Variants in CTTNBP2 observed in about 807,000 individuals in gnomAD.
CTTNBP2 encodes cortactin binding protein 2.
In CTTNBP2, 108 loss-of-function variants were observed where a neutral mutation model predicts 156.9. The ratio of observed to expected loss-of-function variants is 0.69; its 90% CI spans 0.59 to 0.81. CTTNBP2 has a LOEUF of 0.81. CTTNBP2 is among the 30% of genes least tolerant of loss of function. The pLI is 0.00. For synonymous variants in CTTNBP2, 767 were observed against 751.8 expected (o/e 1.02, Z -0.33); for missense variants, 1,924 against 2,035.4 (o/e 0.95, Z 1.05).
At chr7:117,766,259 T>C (rs902641776) in intron 9 of CTTNBP2, among the ~76,000 whole-genome samples, 26 of 152,108 alleles carry the variant, frequency 1.7e-4, no homozygotes, top group Admixed American at 1.5e-3. Context: ...CAATGATAAA[T>C]AAAGCCTTCT....
At position 117,756,585 on chromosome 7, in the gene CTTNBP2, A is replaced by G. The variant is rs372975888; in HGVS notation, c.3318T>C (p.Pro1106=). 13 of 1,613,672 alleles carry G rather than the reference A, an allele frequency of 8.1e-6. No homozygotes were observed. The East Asian group carries it at 1.1e-4, about 14-fold the overall frequency. Residue 1106 remains proline, a synonymous_variant, in exon 12 of 23, where the codon CCT becomes CCC. Coordinates refer to ENST00000160373, the MANE Select transcript of CTTNBP2 (RefSeq NM_033427.3). ...LSSVTYASMI[P]LQMMQNYLRL... is the part of the protein sequence containing the mutation. ...TGAGGTAGTTCTGCATCATCTGGAG[A>G]GGGATCATGGAGGCATAAGTCACAC...
intron 8 of CTTNBP2, among the ~76,000 whole-genome samples, chr7:117,771,989 C>A (rs890216344): frequency 1.3e-5 from 2 of 152,138 alleles, no homozygotes; most frequent in Admixed American, 1.3e-4. Flanking sequence ...GCCGGTCACA[C>A]GTGGTCAAAG....
chr7:117,791,002 A>T (rs1413075858), intron 4 of CTTNBP2, 126 bp downstream of exon 4: 4 of 753,584 alleles, frequency 5.3e-6, no homozygotes, highest in Non-Finnish European at 4.3e-6. Context: ...GAGAAAGAAA[A>T]GAAATGGGGG....
intron 14 of CTTNBP2, among the ~76,000 whole-genome samples, chr7:117,736,646 G>A (rs1795724027): frequency 6.6e-6 from 1 of 152,064 alleles, no homozygotes; most frequent in Non-Finnish European, 1.5e-5. Flanking sequence ...ATGAAAGCTG[G>A]AAAAGTAAAT....
At chr7:117,839,123 C>A (rs1349260333) in intron 2 of CTTNBP2, among the ~76,000 whole-genome samples, 1 of 152,052 alleles carries the variant, frequency 6.6e-6, no homozygotes, top group East Asian at 1.9e-4. Flanking sequence ...AAAGTGGGAA[C>A]CTGCCTGTAA....
chr7:117,740,503 T>C (rs1208734490), intron 14 of CTTNBP2, among the ~76,000 whole-genome samples: 2 of 152,134 alleles, frequency 1.3e-5, no homozygotes, highest in Non-Finnish European at 2.9e-5. Flanking sequence ...GAAAATAAGG[T>C]TAACCATCAG....
intron 19 of CTTNBP2, among the ~76,000 whole-genome samples, chr7:117,722,912 G>T (rs1794883949): frequency 6.6e-6 from 1 of 152,144 alleles, no homozygotes; most frequent in Non-Finnish European, 1.5e-5. Context: ...GTGCCCAAGG[G>T]TTTCTGAACC....
chr7:117,817,431 G>C (rs1261871079), intron 2 of CTTNBP2, among the ~76,000 whole-genome samples: 1 of 140,750 alleles, frequency 7.1e-6, no homozygotes, highest in African/African-American at 2.6e-5. Flanking sequence ...TGTTGAGAAT[G>C]TCGTAAGCAG....
At chr7:117,758,017 G>T (rs531001251) in intron 10 of CTTNBP2, 47 bp from the exon 11 acceptor site, 53 of 1,408,116 alleles carry the variant, frequency 3.8e-5, no homozygotes, top group Non-Finnish European at 5.1e-5. Context: ...CTTATGAGTG[G>T]TTTTTCTCAC....
At chr7:117,760,287 G>T in intron 10 of CTTNBP2, 148 bp downstream of exon 10, 1 of 684,846 alleles carries the variant, frequency 1.5e-6, no homozygotes, top group Non-Finnish European at 2.4e-6. Context: ...TGGCTACATT[G>T]TGAATACTCA....
In CTTNBP2 at chr7:117,792,327, A is replaced by C. The variant is rs1682852456; in HGVS notation, c.869T>G (p.Leu290Trp). The C allele has an allele frequency of 1.2e-6, 2 of 1,614,064 alleles. No homozygotes were observed. Among genetic ancestry groups the C allele is most frequent in the Admixed American group, 3.3e-5 (2 of 60,002 alleles). ...TTCTGTTCCCACAGATATGGAAACC[A>C]AACGCCTATCTTTTGTCTTCCGTGG... The part of the protein sequence containing the change: ...SLPRKTKDRR[L>W]VSISVGTEGT... Residue 290 changes from leucine to tryptophan, a missense_variant, in exon 4 of 23, where the codon TTG becomes TGG. Coordinates refer to ENST00000160373, the MANE Select transcript of CTTNBP2 (RefSeq NM_033427.3). This position sits in a 1 kb window ranked among gnomAD's most constrained non-coding sequence, Gnocchi z 4.2.
At chr7:117,825,755 G>C (rs1207909758) in intron 2 of CTTNBP2, among the ~76,000 whole-genome samples, 1 of 152,126 alleles carries the variant, frequency 6.6e-6, no homozygotes, top group Non-Finnish European at 1.5e-5. Context: ...TTGTTGCTTT[G>C]AAGAAGAAAA....
chr7:117,764,071 A>G (rs140745720), intron 9 of CTTNBP2, among the ~76,000 whole-genome samples: 351 of 151,118 alleles, frequency 2.3e-3, no homozygotes, highest in African/African-American at 8.2e-3. Flanking sequence ...CAGCCCTGTG[A>G]CTCCCTGGCT....
At chr7:117,857,611 T>G (rs985515145) in intron 2 of CTTNBP2, among the ~76,000 whole-genome samples, 13 of 152,272 alleles carry the variant, frequency 8.5e-5, no homozygotes, top group Admixed American at 7.8e-4. Flanking sequence ...TAAAGTTCAG[T>G]GTACAAATTA....
intron 2 of CTTNBP2, among the ~76,000 whole-genome samples, chr7:117,836,120 G>A (rs764205429): frequency 1.7e-4 from 26 of 152,192 alleles, no homozygotes; most frequent in Non-Finnish European, 3.1e-4. Flanking sequence ...GGACTGGACA[G>A]GGGAGGCTTC....
intron 2 of CTTNBP2, among the ~76,000 whole-genome samples, chr7:117,824,613 G>A (rs1236423311): frequency 1.3e-5 from 2 of 152,168 alleles, no homozygotes; most frequent in African/African-American, 4.8e-5. Flanking sequence ...GAAAACTGTA[G>A]CACCAAGAAA....
In CTTNBP2 at chr7:117,792,928, TAAG is replaced by T. The variant is rs745596461; in HGVS notation, c.415-150_415-148del. ...GCCACATTTTCAAAAAGTGTTGTGATAAGAAATATTTTAAAGACACATTAAAAT... is the reference window on the plus strand; with the variant it reads ...GCCACATTTTCAAAAAGTGTTGTGATAAATATTTTAAAGACACATTAAAAT... On this transcript the variant is annotated intron_variant, in intron 3 of 22. Coordinates refer to ENST00000160373, the MANE Select transcript of CTTNBP2 (RefSeq NM_033427.3). This position sits in a 1 kb window ranked among gnomAD's most constrained non-coding sequence, Gnocchi z 4.2. 6 of 532,406 alleles carry T rather than the reference TAAG, an allele frequency of 1.1e-5. No homozygotes were observed. The highest frequency in any genetic ancestry group is 6.2e-5 in the East Asian group (2 of 32,070). The allele number at this position is 532,406 out of a possible 1,614,324, so 33.0% of individuals were successfully genotyped here.
At chr7:117,773,702 CA>C (rs1562992528) in intron 8 of CTTNBP2, among the ~76,000 whole-genome samples, 1,265 of 120,578 alleles carry the variant, frequency 0.01, 23 homozygotes, top group Admixed American at 0.03. Flanking sequence ...CACACACACA[CA>C]CACACCCCAA....
intron 4 of CTTNBP2, chr7:117,786,446 CA>C (rs1389936456): frequency 2.3e-6 from 1 of 431,148 alleles, no homozygotes; most frequent in Non-Finnish European, 4.7e-6. Flanking sequence ...AACAAACAAA[CA>C]AAAAACAGGC....
Sources: allele counts gnomAD v4.1 joint callset (sites outside exome capture counted in the v4.1 genomes callset), GRCh38; gene constraint gnomAD v4.1.1; non-coding constraint Gnocchi (gnomAD v3.1); transcripts MANE v1.5; gene names NCBI Gene and HGNC (gene_info 2026-07-23, HGNC 2026-07-21).